The following SLC49A4 variants were observed in gnomAD, a reference collection of about 807,000 sequenced individuals.
The protein encoded by SLC49A4 is disrupted in renal cancer protein 2.
SLC49A4 carries 36 observed loss-of-function variants against 50.6 expected under a neutral mutation model. The observed-to-expected ratio is 0.71, with a 90% confidence interval of 0.55 to 0.94. The LOEUF is 0.94. Among genes scored for constraint, SLC49A4 ranks in the 40% least tolerant of loss-of-function variants. SLC49A4 has a pLI of 0.00. For synonymous variants in SLC49A4, 248 were observed against 241.2 expected (o/e 1.03, Z -0.26); for missense variants, 503 against 605.7 (o/e 0.83, Z 1.78).
At chr3:122,808,241 G>A (rs576851670) in intron 2 of SLC49A4, among the ~76,000 whole-genome samples, 19 of 152,276 alleles carry the variant, frequency 1.2e-4, no homozygotes, top group African/African-American at 4.6e-4. Context: ...TGTTTGTGAT[G>A]TAGTTTCATT....
intron 4 of SLC49A4, among the ~76,000 whole-genome samples, chr3:122,840,460 C>T (rs1040358682): frequency 6.6e-6 from 1 of 151,690 alleles, no homozygotes; most frequent in South Asian, 2.1e-4. Flanking sequence ...CTTATTTTAA[C>T]AGGAAAAATA....
At chr3:122,820,105 A>C (rs1197988507) in intron 2 of SLC49A4, among the ~76,000 whole-genome samples, 1 of 152,226 alleles carries the variant, frequency 6.6e-6, no homozygotes, top group Non-Finnish European at 1.5e-5. Context: ...AAGCAGGTTG[A>C]TTAACAGAAT....
At chr3:122,835,618 A>G (rs1294063438) in intron 4 of SLC49A4, among the ~76,000 whole-genome samples, 3 of 152,218 alleles carry the variant, frequency 2.0e-5, no homozygotes, top group Non-Finnish European at 4.4e-5. Flanking sequence ...TCAAAATAAA[A>G]GCTGTATATG....
At chr3:122,796,527 A>G (rs1702489876) in intron 1 of SLC49A4, among the ~76,000 whole-genome samples, 1 of 152,160 alleles carries the variant, frequency 6.6e-6, no homozygotes, top group Non-Finnish European at 1.5e-5. Context: ...CTCAGGCAGA[A>G]TCGGTGTCGG....
intron 2 of SLC49A4, among the ~76,000 whole-genome samples, chr3:122,819,865 A>G (rs1020302395): frequency 5.3e-5 from 8 of 151,826 alleles, no homozygotes; most frequent in Non-Finnish European, 1.0e-4. Flanking sequence ...ATGAGCTAAG[A>G]GTTTATTTTG....
chr3:122,796,111 T>C (rs924879880), intron 1 of SLC49A4, among the ~76,000 whole-genome samples: 2 of 152,216 alleles, frequency 1.3e-5, no homozygotes, highest in Non-Finnish European at 2.9e-5. Flanking sequence ...TTTGTGACTT[T>C]CAATTAAAGC....
intron 2 of SLC49A4, among the ~76,000 whole-genome samples, chr3:122,824,670 T>G (rs1049397444): frequency 5.4e-5 from 8 of 148,884 alleles, no homozygotes; most frequent in African/African-American, 2.0e-4. Flanking sequence ...TCGTCTTTCC[T>G]TCCTTCCTTC....
chr3:122,803,116 C>G (rs1177349489), intron 1 of SLC49A4, among the ~76,000 whole-genome samples: 1 of 151,994 alleles, frequency 6.6e-6, no homozygotes, highest in Non-Finnish European at 1.5e-5. Context: ...AGCAGAAGAC[C>G]CATAAGGAAT....
intron 5 of SLC49A4, among the ~76,000 whole-genome samples, chr3:122,854,725 A>G (rs998835899): frequency 6.6e-6 from 1 of 152,352 alleles, no homozygotes; most frequent in African/African-American, 2.4e-5. Context: ...CATGTCATCT[A>G]GCTAAGTACC....
chr3:122,857,463 T>C (rs1459057358), intron 6 of SLC49A4, among the ~76,000 whole-genome samples: 1 of 152,140 alleles, frequency 6.6e-6, no homozygotes, highest in African/African-American at 2.4e-5. Context: ...AATCTAATTA[T>C]ATATTTGGGA....
intron 6 of SLC49A4, among the ~76,000 whole-genome samples, chr3:122,859,752 G>A (rs1937034192): frequency 6.6e-6 from 1 of 152,100 alleles, no homozygotes; most frequent in Non-Finnish European, 1.5e-5. Flanking sequence ...CCTGGGAGGT[G>A]AGGCTGCAGT....
intron 8 of SLC49A4, among the ~76,000 whole-genome samples, chr3:122,876,707 G>A (rs747285223): frequency 2.0e-5 from 3 of 152,218 alleles, no homozygotes; most frequent in Non-Finnish European, 1.5e-5. Context: ...GGTAGAAACC[G>A]AAAGCGTGAC....
intron 4 of SLC49A4, among the ~76,000 whole-genome samples, chr3:122,844,707 G>T (rs1038908254): frequency 6.6e-6 from 1 of 151,810 alleles, no homozygotes; most frequent in Non-Finnish European, 1.5e-5. Context: ...ACTTGAACCC[G>T]GGAAGCGGAG....
chr3:122,840,714 C>T (rs1936759012), intron 4 of SLC49A4, among the ~76,000 whole-genome samples: 3 of 151,982 alleles, frequency 2.0e-5, no homozygotes, highest in African/African-American at 7.2e-5. Context: ...TACTTGATTT[C>T]CAGTAGAATT....
At chr3:122,804,314 A>C (rs1175994542) in intron 1 of SLC49A4, among the ~76,000 whole-genome samples, 1 of 152,184 alleles carries the variant, frequency 6.6e-6, no homozygotes, top group Non-Finnish European at 1.5e-5. Flanking sequence ...GGATGGCCCA[A>C]GCCATTCATG....
At chr3:122,866,207 T>G (rs1200680883) in intron 7 of SLC49A4, among the ~76,000 whole-genome samples, 15 of 149,516 alleles carry the variant, frequency 1.0e-4, no homozygotes, top group East Asian at 5.9e-4. Flanking sequence ...TTTCGTTGTT[T>G]TTTTTTTTTT....
intron 8 of SLC49A4, 54 bp downstream of exon 8, chr3:122,872,651 G>T: frequency 2.2e-6 from 3 of 1,337,220 alleles, no homozygotes; most frequent in Non-Finnish European, 2.0e-6. Flanking sequence ...GAAAAGTTTG[G>T]GTCACTAGTG....
At chr3:122,844,446 TAAAC>T (rs1936820832) in intron 4 of SLC49A4, among the ~76,000 whole-genome samples, 1 of 152,100 alleles carries the variant, frequency 6.6e-6, no homozygotes, top group Admixed American at 6.6e-5. Context: ...TTGAGAATTT[TAAAC>T]AATATGAACA....
intron 2 of SLC49A4, among the ~76,000 whole-genome samples, chr3:122,813,024 C>T (rs1441606452): frequency 6.6e-6 from 1 of 152,004 alleles, no homozygotes; most frequent in African/African-American, 2.4e-5. Context: ...TCAAGGCGGG[C>T]GGATCACCTG....
Sources: allele counts gnomAD v4.1 joint callset (sites outside exome capture counted in the v4.1 genomes callset), GRCh38; gene constraint gnomAD v4.1.1; transcripts MANE v1.5; gene names NCBI Gene and HGNC (gene_info 2026-07-23, HGNC 2026-07-21).